FHIP2B: variants seen among roughly 807,000 people sequenced by gnomAD.
FHIP2B encodes FHF complex subunit HOOK-interacting protein 2B.
FHIP2B carries 72 observed loss-of-function variants against 84.0 expected under a neutral mutation model. The ratio of observed to expected loss-of-function variants is 0.86; its 90% confidence interval spans 0.71 to 1.04. FHIP2B has a LOEUF of 1.04. Ranked by LOEUF, FHIP2B falls within the 50% of genes least tolerant of loss-of-function variation. FHIP2B has a pLI of 0.00. For synonymous variants in FHIP2B, 497 were observed against 418.7 expected, an observed-to-expected ratio of 1.19 and a Z score of -2.28; for missense variants, 972 against 968.9, an observed-to-expected ratio of 1.00 and a Z score of -0.04.
intron 1 of FHIP2B, among the ~76,000 whole-genome samples, chr8:22,093,404 G>C (rs1825597121): frequency 1.3e-5 from 2 of 152,304 alleles, no homozygotes; most frequent in Admixed American, 6.5e-5. Context: ...CCATGGTGTA[G>C]AGATGGAGAG....
At chr8:22,099,260 A>C (rs755462688) in intron 8 of FHIP2B, 24 bp from the exon 9 acceptor site, 4 of 1,612,258 alleles carry the variant, frequency 2.5e-6, no homozygotes, top group Non-Finnish European at 3.4e-6. Context: ...AGGGCAAAAC[A>C]CATTGGCGCT....
intron 10 of FHIP2B, 30 bp downstream of exon 10, chr8:22,099,923 T>C (rs768508080): frequency 1.5e-5 from 23 of 1,561,824 alleles, no homozygotes; most frequent in Non-Finnish European, 2.0e-5. Flanking sequence ...TCTCTGTTCC[T>C]CTCACCACCC....
rs1826007687 is a variant in FHIP2B, at chr8:22,099,853, A to G, written c.1301A>G (p.Tyr434Cys). The change falls in exon 10 of 17, where the codon TAT becomes TGT. Residue 434 changes from tyrosine to cysteine, a missense_variant. By Grantham distance (194) the Tyr-to-Cys change is radical. Coordinates refer to ENST00000289921, the MANE Select transcript of FHIP2B (RefSeq NM_022749.7). ...EAPGDNPHTL[Y>C]AHLIGHCDHL... is the part of the protein sequence containing the mutation. ...CCCGGGGACAACCCCCACACCCTGT[A>G]TGCTCATCTCATCGGGCATTGTGAC... The G allele has an allele frequency of 6.2e-7, 1 of 1,612,716 alleles. No individual in the cohort carries two copies. The highest frequency in any genetic ancestry group is 2.2e-5 in the East Asian group (1 of 44,838).
In FHIP2B at chr8:22,102,508, C is replaced by T. The variant is rs1416537840; in HGVS notation, c.1993-20C>T. The T allele has an allele frequency of 6.4e-7, 1 of 1,551,886 alleles. No homozygotes were observed. The highest frequency in any genetic ancestry group is 8.7e-7 in the Non-Finnish European group (1 of 1,147,596). The stretch of plus-strand genomic sequence containing the variant: ...TGGTGTTGCTGGCCCCATCTGAGTC[C>T]CCTGTGATTCCCGCTGTAGGTGATC... On this transcript the variant is annotated intron_variant, in intron 15 of 16. Coordinates refer to ENST00000289921, the MANE Select transcript of FHIP2B (RefSeq NM_022749.7).
chr8:22,099,248 T>C (rs1342462642), intron 8 of FHIP2B, 36 bp from the exon 9 acceptor site: 4 of 1,609,822 alleles, frequency 2.5e-6, no homozygotes, highest in Admixed American at 1.7e-5. Context: ...GGAATTGTAA[T>C]GAGGGCAAAA....
In FHIP2B at chr8:22,101,814, G is replaced by T; in HGVS notation, c.1814G>T (p.Arg605Leu). The T allele has an allele frequency of 6.2e-7, 1 of 1,613,524 alleles. No individual in the cohort carries two copies. Among genetic ancestry groups the T allele is most frequent in the Non-Finnish European group, 8.5e-7 (1 of 1,179,788 alleles). Residue 605 changes from arginine to leucine, a missense_variant, in exon 14 of 17, where the codon CGA becomes CTA. Transcript: ENST00000289921. Reference sequence around the variant, plus strand: ...CCTTTCTTCGAGGGCCACTTCCTCCGAGTGCTGTTTGACCGCATGTCCCGG... The same window carrying T: ...CCTTTCTTCGAGGGCCACTTCCTCCTAGTGCTGTTTGACCGCATGTCCCGG... ...ERPFFEGHFL[R>L]VLFDRMSRIL...
intron 2 of FHIP2B, 56 bp downstream of exon 2, chr8:22,094,574 T>A: frequency 6.3e-7 from 1 of 1,599,124 alleles, no homozygotes; most frequent in Non-Finnish European, 8.5e-7. Context: ...GAGGAAGGAG[T>A]GTGCAGAGTG....
At chr8:22,097,682 C>G in intron 4 of FHIP2B, 35 bp from the exon 5 acceptor site, 1 of 1,609,982 alleles carries the variant, frequency 6.2e-7, no homozygotes, top group Non-Finnish European at 8.5e-7. Flanking sequence ...CCTGCCACCC[C>G]TCTCCCCTCT....
rs1035294558 is a variant in FHIP2B, at chr8:22,096,430, C to T, written c.218C>T (p.Ala73Val). 15 of 1,556,012 alleles carry T rather than the reference C, an allele frequency of 9.6e-6. No individual in the cohort carries two copies. In the Admixed American group the frequency reaches 9.7e-5, roughly 10 times the overall value. The change falls in exon 3 of 17, where the codon GCG (alanine) becomes GTG (valine). Residue 73 changes from alanine to valine, a missense_variant. Coordinates refer to ENST00000289921, the MANE Select transcript of FHIP2B (RefSeq NM_022749.7). The part of the protein sequence containing the change: ...LVYEEQQQAA[A>V]GEAGPCLEYL... Reference sequence around the variant, plus strand: ...TATGAAGAGCAGCAGCAGGCGGCCGCGGGTGAGGCAGGGCCCTGCCTGGAG... The same window carrying T: ...TATGAAGAGCAGCAGCAGGCGGCCGTGGGTGAGGCAGGGCCCTGCCTGGAG...
intron 13 of FHIP2B, 72 bp downstream of exon 13, chr8:22,101,602 CCT>C (rs1246357538): frequency 1.3e-5 from 20 of 1,560,316 alleles, no homozygotes; most frequent in Non-Finnish European, 1.6e-5. Flanking sequence ...CTGGGTTCCG[CCT>C]CTCTCATCTG....
intron 1 of FHIP2B, chr8:22,089,684 C>G (rs570503303): frequency 9.7e-7 from 1 of 1,034,390 alleles, no homozygotes; most frequent in Admixed American, 2.4e-5. Flanking sequence ...GGGCCTGCCT[C>G]CTTCCTCCGC....
intron 5 of FHIP2B, 85 bp downstream of exon 5, chr8:22,097,924 G>C: frequency 3.2e-6 from 5 of 1,572,876 alleles, no homozygotes; most frequent in Non-Finnish European, 4.3e-6. Flanking sequence ...GGCAGAAGCA[G>C]AGATCAGGTA....
rs544687603 is a variant in FHIP2B at position 22,098,687 on chromosome 8, G to A, written c.965+68G>A. The A allele has an allele frequency of 4.8e-6, 7 of 1,445,084 alleles. No homozygotes were observed. In the African/African-American group the frequency reaches 9.9e-5, roughly 20 times the overall value. 89.5% of individuals were successfully genotyped at this position (1,445,084 alleles called of 1,614,324 possible). A position where few individuals can be genotyped will look rare whatever the true frequency, so the allele number is the denominator to read the frequency against. On this transcript the variant is annotated intron_variant, in intron 7 of 16. Coordinates refer to ENST00000289921, the MANE Select transcript of FHIP2B (RefSeq NM_022749.7). ...CTGGCAGCCCTGCCTGTCTTTGGTG[G>A]CCAGCTCCCCTGGGGTTCCACGTTG...
chr8:22,097,112 A>T (rs1007862526), intron 3 of FHIP2B: 1 of 252,580 alleles, frequency 4.0e-6, no homozygotes, highest in Non-Finnish European at 7.8e-6. Context: ...TGATGGGTCA[A>T]TAATGACCCA....
intron 8 of FHIP2B, 27 bp downstream of exon 8, chr8:22,099,083 C>T: frequency 1.9e-6 from 3 of 1,546,074 alleles, no homozygotes; most frequent in South Asian, 2.3e-5. Flanking sequence ...GGAGGCCGGG[C>T]TCTCATGCTG....
chr8:22,091,580 C>T (rs1825495442), intron 1 of FHIP2B, among the ~76,000 whole-genome samples: 1 of 152,298 alleles, frequency 6.6e-6, no homozygotes, highest in Non-Finnish European at 1.5e-5. Flanking sequence ...ATTGTTGGGT[C>T]TAGTGCCTTT....
chr8:22,089,764 A>G, intron 1 of FHIP2B: 3 of 1,269,448 alleles, frequency 2.4e-6, no homozygotes, highest in Non-Finnish European at 3.1e-6. Context: ...CTCCCAGACA[A>G]CTCCAGGACC....
chr8:22,094,007 G>A (rs1265731496), intron 1 of FHIP2B, among the ~76,000 whole-genome samples: 1 of 152,146 alleles, frequency 6.6e-6, no homozygotes, highest in African/African-American at 2.4e-5. Context: ...GTGAGCCACT[G>A]CACCTGACCT....
At chr8:22,089,565 C>G (rs765619025) in intron 1 of FHIP2B, among the ~76,000 whole-genome samples, 2 of 152,082 alleles carry the variant, frequency 1.3e-5, no homozygotes, top group African/African-American at 2.4e-5. Context: ...CGTCCTGGCC[C>G]CGGAGTCTCT....
Sources: gnomAD v4.1 joint callset for allele counts (sites outside exome capture counted in the v4.1 genomes callset) on GRCh38, gnomAD v4.1.1 for gene constraint, MANE v1.5 for transcripts, NCBI Gene and HGNC (gene_info 2026-07-23, HGNC 2026-07-21) for gene names.